The following KHDC1 variants were observed in gnomAD, a reference collection of about 807,000 sequenced individuals.
The protein encoded by KHDC1 is KH domain containing 1.
A neutral mutation model predicts 24.7 loss-of-function variants in KHDC1; 21 were observed. The ratio of observed to expected loss-of-function variants is 0.85; its 90% CI spans 0.60 to 1.23. The LOEUF (loss-of-function observed/expected upper bound fraction) is 1.23. Among genes scored for constraint, KHDC1 ranks in the 50% most tolerant of loss-of-function variants. The pLI, the probability that KHDC1 is intolerant of heterozygous loss-of-function variation, is 0.00. For synonymous variants in KHDC1, 98 were observed against 111.7 expected, an observed-to-expected ratio of 0.88 and a Z score of 0.77; for missense variants, 274 against 298.5, an observed-to-expected ratio of 0.92 and a Z score of 0.61.
chr6:73,255,459 T>C (rs1020046319), intron 2 of KHDC1, among the ~76,000 whole-genome samples: 1 of 147,664 alleles, frequency 6.8e-6, no homozygotes, highest in African/African-American at 2.5e-5. Context: ...CCTCAGGTGA[T>C]CCACCCGCCT....
At chr6:73,244,324 G>A (rs1466669474) in intron 2 of KHDC1, among the ~76,000 whole-genome samples, 2 of 152,082 alleles carry the variant, frequency 1.3e-5, no homozygotes, top group Non-Finnish European at 2.9e-5. Flanking sequence ...TCTTCAACAT[G>A]TGAACATTGC....
At chr6:73,293,288 G>C in intron 1 of KHDC1, 1 of 581,760 alleles carries the variant, frequency 1.7e-6, no homozygotes, top group Non-Finnish European at 3.3e-6. Flanking sequence ...AGAAACATAA[G>C]GAAAAGATTT....
intron 2 of KHDC1, among the ~76,000 whole-genome samples, chr6:73,263,721 C>G (rs1430230324): frequency 6.6e-6 from 1 of 152,164 alleles, no homozygotes; most frequent in Non-Finnish European, 1.5e-5. Context: ...GAGATCCCAT[C>G]TGCCACTTGG....
At chr6:73,270,779 C>T (rs537839733) in intron 2 of KHDC1, among the ~76,000 whole-genome samples, 3 of 152,080 alleles carry the variant, frequency 2.0e-5, no homozygotes, top group South Asian at 4.2e-4. Context: ...CAACCTCCAC[C>T]TCCCAGGTTC....
chr6:73,286,292 AGAT>A (rs1220073006), intron 2 of KHDC1, among the ~76,000 whole-genome samples: 1 of 152,194 alleles, frequency 6.6e-6, no homozygotes, highest in African/African-American at 2.4e-5. Flanking sequence ...AGTTTACATA[AGAT>A]GATATTGGTG....
chr6:73,241,932 ACT>A (rs1766577129), intron 4 of KHDC1, 121 bp downstream of exon 3: 1 of 1,155,310 alleles, frequency 8.7e-7, no homozygotes, highest in African/African-American at 1.6e-5. Context: ...TTCCCAATGG[ACT>A]CTGGGAAGCA....
intron 2 of KHDC1, among the ~76,000 whole-genome samples, chr6:73,279,440 A>C (rs2603471): frequency 0.24 from 35,716 of 151,940 alleles, 4,887 homozygotes; most frequent in African/African-American, 0.37. Flanking sequence ...AACTATATGG[A>C]CATTTGACTG....
chr6:73,306,460 T>C (rs1436392761), intron 1 of KHDC1, among the ~76,000 whole-genome samples: 2 of 152,122 alleles, frequency 1.3e-5, no homozygotes, highest in Non-Finnish European at 1.5e-5. Flanking sequence ...CCACTAAACA[T>C]ATTCCACATG....
At chr6:73,281,572 G>A (rs1332061354) in intron 2 of KHDC1, among the ~76,000 whole-genome samples, 6 of 146,678 alleles carry the variant, frequency 4.1e-5, no homozygotes, top group Admixed American at 1.4e-4. Flanking sequence ...AGCCAAGATC[G>A]CGCCATTGCA....
Position 73,271,699 on chromosome 6 carries a change from G to T in KHDC1, c.206+20299C>A, listed in dbSNP as rs780686856. ...ACCTGAGGTCAGGAGTTCAAGACCA[G>T]CCTGGCCAACATGGTGAAACCCCTT... is the stretch of plus-strand genomic sequence containing the variant. On this transcript the variant is annotated intron_variant, in intron 2 of 4. Coordinates refer to ENST00000370384, the Ensembl canonical transcript of KHDC1. 2.7e-5 allele frequency among the ~76,000 whole-genome samples: 4 copies of T among 150,650 alleles called. No homozygotes were observed. The East Asian group carries it at 8.3e-4, about 31-fold the overall frequency.
At chr6:73,275,703 C>T (rs968380792) in intron 2 of KHDC1, 1 of 166,178 alleles carries the variant, frequency 6.0e-6, no homozygotes, top group Non-Finnish European at 1.5e-5. Context: ...TCTTTCCCCT[C>T]TCCCCCCAAT....
intron 2 of KHDC1, among the ~76,000 whole-genome samples, chr6:73,289,385 GGC>G (rs1767593744): frequency 1.4e-5 from 2 of 144,804 alleles, no homozygotes; most frequent in Admixed American, 1.4e-4. Context: ...CAACTACAGT[GGC>G]TCCTGTAATC....
intron 2 of KHDC1, among the ~76,000 whole-genome samples, chr6:73,277,587 A>T (rs1367125858): frequency 6.6e-6 from 1 of 152,184 alleles, no homozygotes; most frequent in East Asian, 1.9e-4. Context: ...GCAATTGCTT[A>T]TATCTGTAAT....
At chr6:73,272,985 A>G (rs770134628) in intron 2 of KHDC1, among the ~76,000 whole-genome samples, 4 of 148,718 alleles carry the variant, frequency 2.7e-5, no homozygotes, top group Non-Finnish European at 5.9e-5. Flanking sequence ...CAGCCTCCCA[A>G]GTAGCTGGCA....
At chr6:73,281,662 G>A (rs1452156225) in intron 2 of KHDC1, among the ~76,000 whole-genome samples, 7 of 150,818 alleles carry the variant, frequency 4.6e-5, no homozygotes, top group Non-Finnish European at 8.8e-5. Context: ...CAGAAGAGTT[G>A]TGAGGATAGT....
intron 1 of KHDC1, among the ~76,000 whole-genome samples, chr6:73,303,895 T>G (rs1220627707): frequency 6.6e-6 from 1 of 152,140 alleles, no homozygotes; most frequent in Non-Finnish European, 1.5e-5. Flanking sequence ...AATTATTTTG[T>G]GGGCTGGGCA....
At chr6:73,242,344 G>A in intron 3 of KHDC1, 62 bp downstream of exon 2, 4 of 1,610,934 alleles carry the variant, frequency 2.5e-6, no homozygotes, top group South Asian at 2.2e-5. Flanking sequence ...TGGGAGGGGA[G>A]AGGAAGAGTG....
intron 2 of KHDC1, among the ~76,000 whole-genome samples, chr6:73,253,271 A>G (rs910287481): frequency 2.2e-4 from 33 of 152,196 alleles, no homozygotes; most frequent in African/African-American, 7.9e-4. Flanking sequence ...AAACAGGTTA[A>G]CCTGCCGGGT....
chr6:73,246,365 T>A (rs186127526), intron 2 of KHDC1, among the ~76,000 whole-genome samples: 1 of 152,322 alleles, frequency 6.6e-6, no homozygotes, highest in East Asian at 1.9e-4. Context: ...AAATTCTAGT[T>A]TACATTTTTA....
Sources: allele counts gnomAD v4.1 joint callset (sites outside exome capture counted in the v4.1 genomes callset), GRCh38; gene constraint gnomAD v4.1.1; transcripts MANE v1.5; gene names NCBI Gene and HGNC (gene_info 2026-07-23, HGNC 2026-07-21).